TRIT1: variants seen among roughly 807,000 people sequenced by gnomAD.
TRIT1 encodes the protein tRNA dimethylallyltransferase.
A neutral mutation model predicts 51.2 loss-of-function variants in TRIT1; 43 were observed. That is an observed-to-expected ratio of 0.84 (90% CI 0.66 to 1.08). The LOEUF is 1.08. Ranked by LOEUF, TRIT1 falls within the 50% of genes least tolerant of loss-of-function variation. The probability of loss-of-function intolerance (pLI) is 0.00; values close to 1 mark genes in which losing one functional copy is unlikely to be tolerated. For synonymous variants in TRIT1, 184 were observed against 203.9 expected (o/e 0.90, Z 0.83); for missense variants, 528 against 578.4 (o/e 0.91, Z 0.89).
At chr1:39,874,830 T>C (rs1389342047) in intron 1 of TRIT1, among the ~76,000 whole-genome samples, 2 of 152,014 alleles carry the variant, frequency 1.3e-5, no homozygotes, top group Non-Finnish European at 2.9e-5. Context: ...CATGCTTGAC[T>C]AATTTTTTTG....
At chr1:39,877,682 G>A (rs1644118371) in intron 1 of TRIT1, among the ~76,000 whole-genome samples, 1 of 152,152 alleles carries the variant, frequency 6.6e-6, no homozygotes, top group Non-Finnish European at 1.5e-5. Context: ...TGAAGGCCCG[G>A]CACTGTACCT....
intron 1 of TRIT1, among the ~76,000 whole-genome samples, chr1:39,876,789 G>A (rs1447809163): frequency 6.6e-6 from 1 of 151,578 alleles, no homozygotes; most frequent in Non-Finnish European, 1.5e-5. Context: ...TTAGCCAGGC[G>A]TGGTGGCGGG....
intron 1 of TRIT1, among the ~76,000 whole-genome samples, chr1:39,877,018 T>TC (rs1644086442): frequency 1.1e-4 from 6 of 55,136 alleles, no homozygotes; most frequent in African/African-American, 6.9e-4. Flanking sequence ...TAATGGGTCT[T>TC]CAAAAAAAAA....
chr1:39,843,973 T>TAA (rs1329244598), intron 10 of TRIT1, 128 bp downstream of exon 10: 1 of 608,076 alleles, frequency 1.6e-6, no homozygotes, highest in Non-Finnish European at 2.9e-6. Flanking sequence ...CACAGGCTCT[T>TAA]AGAGGAATCT....
At chr1:39,845,935 ACTC>A (rs1642198872) in intron 8 of TRIT1, among the ~76,000 whole-genome samples, 2 of 152,114 alleles carry the variant, frequency 1.3e-5, no homozygotes, top group Non-Finnish European at 2.9e-5. Context: ...TGTGCCATCA[ACTC>A]CTCCTACCAC....
chr1:39,855,029 G>A (rs1291027379), intron 2 of TRIT1, among the ~76,000 whole-genome samples: 1 of 152,088 alleles, frequency 6.6e-6, no homozygotes, highest in Non-Finnish European at 1.5e-5. Flanking sequence ...TGTATTTTTT[G>A]TAGAGGTAAG....
At chr1:39,856,025 A>G (rs1469227034) in intron 2 of TRIT1, among the ~76,000 whole-genome samples, 1 of 151,740 alleles carries the variant, frequency 6.6e-6, no homozygotes, top group Non-Finnish European at 1.5e-5. Flanking sequence ...AAAATAAAAT[A>G]GCCGGGCATG....
At chr1:39,868,487 A>G (rs1049764899) in intron 1 of TRIT1, among the ~76,000 whole-genome samples, 4 of 152,050 alleles carry the variant, frequency 2.6e-5, no homozygotes, top group African/African-American at 9.7e-5. Flanking sequence ...TACTAAAAAT[A>G]CAAAAAATTA....
intron 2 of TRIT1, among the ~76,000 whole-genome samples, chr1:39,855,663 T>A (rs1642851461): frequency 6.6e-6 from 1 of 152,028 alleles, no homozygotes; most frequent in Non-Finnish European, 1.5e-5. Flanking sequence ...TGTAGTATGA[T>A]TAACAAAGGG....
rs572427603 is a variant in TRIT1, at chr1:39,840,703, G to C, written c.*1041C>G. On this transcript the variant is annotated 3_prime_UTR_variant, in exon 11 of 11. Coordinates refer to ENST00000316891, the MANE Select transcript of TRIT1 (RefSeq NM_017646.6). ...GAGTGACAAAAACGTTTTGGAAATA[G>C]TGGCAACGATTGCACAACATTGTGA... Among the ~76,000 whole-genome samples, 1 of 152,308 alleles carries C rather than the reference G, an allele frequency of 6.6e-6. No individual in the cohort carries two copies. The highest frequency in any genetic ancestry group is 6.5e-5 in the Admixed American group (1 of 15,292).
At chr1:39,866,561 C>G (rs1643568451) in intron 1 of TRIT1, among the ~76,000 whole-genome samples, 1 of 152,140 alleles carries the variant, frequency 6.6e-6, no homozygotes, top group Admixed American at 6.5e-5. Flanking sequence ...AACATAACTT[C>G]AGTAGGTTAG....
At chr1:39,871,512 TGAG>T (rs1192031078) in intron 1 of TRIT1, among the ~76,000 whole-genome samples, 1 of 147,104 alleles carries the variant, frequency 6.8e-6, no homozygotes, top group African/African-American at 2.5e-5. Context: ...CCCAGGAAGT[TGAG>T]GCTGCAGTGA....
intron 1 of TRIT1, among the ~76,000 whole-genome samples, chr1:39,858,354 T>C (rs1643021505): frequency 6.6e-6 from 1 of 152,214 alleles, no homozygotes; most frequent in Non-Finnish European, 1.5e-5. Context: ...CTCAGCTCAT[T>C]TCCTAGCTCT....
rs995775134 is a variant in TRIT1 at position 39,838,767 on chromosome 1, T to C, written c.*2977A>G. 6.6e-6 allele frequency among the ~76,000 whole-genome samples: 1 copy of C among 152,184 alleles called. No individual in the cohort carries two copies. The highest frequency in any genetic ancestry group is 1.5e-5 in the Non-Finnish European group (1 of 68,036). ...CCTTCTGCCTCAGTTACCCAAAGCG[T>C]TGGGATTACAGGCGTGAGCCACCAC... On this transcript the variant is annotated 3_prime_UTR_variant, in exon 11 of 11. Transcript: ENST00000316891.
At chr1:39,864,851 C>G (rs1643448078) in intron 1 of TRIT1, among the ~76,000 whole-genome samples, 2 of 152,124 alleles carry the variant, frequency 1.3e-5, no homozygotes, top group Admixed American at 1.3e-4. Context: ...CTGTGATGTC[C>G]CAACATAGCT....
chr1:39,844,730 C>A, intron 8 of TRIT1, 90 bp from the exon 9 acceptor site: 2 of 890,546 alleles, frequency 2.2e-6, no homozygotes, highest in Admixed American at 4.0e-5. Flanking sequence ...GGGAAATACA[C>A]AGAGCCAAAG....
At chr1:39,868,156 C>T (rs1215728026) in intron 1 of TRIT1, among the ~76,000 whole-genome samples, 2 of 151,322 alleles carry the variant, frequency 1.3e-5, no homozygotes, top group African/African-American at 2.4e-5. Context: ...CCGTGTTAGC[C>T]AGGATGGTCT....
rs745699807 is a variant in TRIT1, at chr1:39,850,182, G to A, written c.640C>T (p.Pro214Ser). 1 of 1,614,122 alleles carries A rather than the reference G, an allele frequency of 6.2e-7. No individual in the cohort carries two copies. The highest frequency in any genetic ancestry group is 1.1e-5 in the South Asian group (1 of 91,072). Residue 214 changes from proline (P) to serine (S), a missense_variant, in exon 5 of 11, where the codon CCC becomes TCC. Transcript: ENST00000316891. ...GAGAACTTCAGAGGACCTCCAAGGG[G>A]ACCACCACCTTCTTCCGTATGTTGA... ...HRQHTEEGGGPLGGPLKFSNP... is the reference protein window; with the variant it reads ...HRQHTEEGGGSLGGPLKFSNP...
chr1:39,858,211 A>G (rs2124624861), intron 1 of TRIT1, among the ~76,000 whole-genome samples: 1 of 152,396 alleles, frequency 6.6e-6, no homozygotes, highest in East Asian at 1.9e-4. Context: ...CTGAATGAAC[A>G]AATAATAAGT....
Sources: allele counts gnomAD v4.1 joint callset (sites outside exome capture counted in the v4.1 genomes callset), GRCh38; gene constraint gnomAD v4.1.1; transcripts MANE v1.5; gene names NCBI Gene and HGNC (gene_info 2026-07-23, HGNC 2026-07-21).